Variants in ITGA2 observed in about 807,000 individuals in gnomAD.
ITGA2 encodes integrin alpha-2.
ITGA2 carries 101 observed loss-of-function variants against 146.3 expected under a neutral mutation model. The ratio of observed to expected loss-of-function variants is 0.69; its 90% confidence interval spans 0.59 to 0.81. The LOEUF is 0.81. Among genes scored for constraint, ITGA2 ranks in the 40% least tolerant of loss-of-function variants. The pLI is 0.00. For synonymous variants in ITGA2, 477 were observed against 487.1 expected, an observed-to-expected ratio of 0.98 and a Z score of 0.27; for missense variants, 1,281 against 1,402.7, an observed-to-expected ratio of 0.91 and a Z score of 1.39.
intron 4 of ITGA2, among the ~76,000 whole-genome samples, chr5:53,047,939 C>T (rs548802101): frequency 1.3e-5 from 2 of 152,304 alleles, no homozygotes; most frequent in African/African-American, 4.8e-5. Context: ...TTAATCTTTA[C>T]AACAATCTTA....
At chr5:53,039,988 AT>A (rs1347222443) in intron 2 of ITGA2, among the ~76,000 whole-genome samples, 4 of 151,652 alleles carry the variant, frequency 2.6e-5, no homozygotes, top group Non-Finnish European at 5.9e-5. Context: ...GGGCAATATG[AT>A]TTTTTTTAAT....
intron 27 of ITGA2, among the ~76,000 whole-genome samples, chr5:53,085,833 G>A (rs1477884628): frequency 2.0e-5 from 3 of 152,158 alleles, no homozygotes; most frequent in East Asian, 1.9e-4. Flanking sequence ...GCTGCATTCC[G>A]CTTCACAGTA....
chr5:53,048,786 A>G lies in ITGA2; in HGVS notation c.630+16A>G. On this transcript the variant is annotated intron_variant, in intron 6 of 29. Coordinates refer to ENST00000296585, the MANE Select transcript of ITGA2 (RefSeq NM_002203.4). Reference sequence around the variant, plus strand: ...AAAGACACAGGTATGGCTAACAGAAATGCATAACTAACTTATGGCTTTCTT... The same window carrying G: ...AAAGACACAGGTATGGCTAACAGAAGTGCATAACTAACTTATGGCTTTCTT... 1 of 1,613,140 alleles carries G rather than the reference A, an allele frequency of 6.2e-7. No individual in the cohort carries two copies. Among genetic ancestry groups the G allele is most frequent in the Non-Finnish European group, 8.5e-7 (1 of 1,179,208 alleles).
chr5:53,007,140 A>T (rs1741897570), intron 1 of ITGA2, among the ~76,000 whole-genome samples: 1 of 152,178 alleles, frequency 6.6e-6, no homozygotes, highest in African/African-American at 2.4e-5. Flanking sequence ...AATTGCTGTC[A>T]TGTGAAGAGG....
intron 8 of ITGA2, 97 bp downstream of exon 8, chr5:53,055,785 T>C: frequency 2.8e-6 from 4 of 1,428,934 alleles, no homozygotes; most frequent in Non-Finnish European, 3.9e-6. Flanking sequence ...TGGCTGTTCA[T>C]AGTTGAATAT....
chr5:53,021,814 G>A (rs1742695495), intron 1 of ITGA2, among the ~76,000 whole-genome samples: 1 of 152,138 alleles, frequency 6.6e-6, no homozygotes, highest in South Asian at 2.1e-4. Context: ...GGGCCAAATT[G>A]CAATCTGAGA....
At chr5:53,065,169 G>T in intron 14 of ITGA2, 54 bp downstream of exon 14, 1 of 1,529,274 alleles carries the variant, frequency 6.5e-7, no homozygotes, top group Non-Finnish European at 9.1e-7. Flanking sequence ...TATCATATTA[G>T]ACATAGAAAG....
intron 2 of ITGA2, among the ~76,000 whole-genome samples, chr5:53,039,074 CA>C (rs1743648973): frequency 2.0e-5 from 3 of 152,236 alleles, no homozygotes; most frequent in African/African-American, 7.2e-5. Context: ...GCCTGAGTGA[CA>C]AAAGACGAGA....
chr5:53,012,064 T>C (rs1459080889), intron 1 of ITGA2, among the ~76,000 whole-genome samples: 1 of 152,186 alleles, frequency 6.6e-6, no homozygotes, highest in East Asian at 1.9e-4. Context: ...AAAATATCAT[T>C]ATAGTCTTAG....
intron 6 of ITGA2, among the ~76,000 whole-genome samples, chr5:53,049,377 T>A (rs1248609918): frequency 6.6e-6 from 1 of 152,188 alleles, no homozygotes; most frequent in East Asian, 1.9e-4. Context: ...AGTTACATTT[T>A]AAAATTCAAT....
chr5:53,056,298 A>T (rs947702593), intron 9 of ITGA2, 149 bp downstream of exon 9: 1 of 646,180 alleles, frequency 1.5e-6, no homozygotes, highest in African/African-American at 1.8e-5. Flanking sequence ...AAAAACATGA[A>T]TAAATAGTTT....
chr5:53,066,068 C>T lies in ITGA2; in HGVS notation c.1943+91C>T, dbSNP rs1245817790. 5 of 1,179,568 alleles carry T rather than the reference C, an allele frequency of 4.2e-6. No homozygotes were observed. In the African/African-American group the frequency reaches 6.0e-5, roughly 14 times the overall value. The allele number at this position is 1,179,568 out of a possible 1,614,324, so 73.1% of individuals were successfully genotyped here. On this transcript the variant is annotated intron_variant, in intron 15 of 29. Transcript: ENST00000296585. ...CTGTACTGGTATTATAGAAATGCCA[C>T]ATGCATTCTATAAGACTATAGGGAA...
intron 2 of ITGA2, among the ~76,000 whole-genome samples, chr5:53,041,403 T>C (rs764563842): frequency 6.6e-6 from 1 of 152,236 alleles, no homozygotes; most frequent in Non-Finnish European, 1.5e-5. Context: ...GTATTTGTTC[T>C]GTATTTTTGC....
chr5:53,009,262 GTC>G (rs879657580), intron 1 of ITGA2, among the ~76,000 whole-genome samples: 2 of 152,052 alleles, frequency 1.3e-5, no homozygotes, highest in Non-Finnish European at 2.9e-5. Context: ...CCCCAAATAT[GTC>G]TCTATTCTAA....
intron 1 of ITGA2, among the ~76,000 whole-genome samples, chr5:53,004,146 A>C (rs560045864): frequency 1.3e-5 from 2 of 152,306 alleles, no homozygotes; most frequent in East Asian, 3.9e-4. Context: ...AACCAAAAAT[A>C]TGCCCAGACA....
Position 53,091,036 on chromosome 5 carries a change from C to T in ITGA2, c.*437C>T, listed in dbSNP as rs1740393614. The T allele has an allele frequency of 2.8e-6, 1 of 358,278 alleles. No homozygotes were observed. The highest frequency in any genetic ancestry group is 5.0e-6 in the Non-Finnish European group (1 of 199,226). The allele number at this position is 358,278 out of a possible 1,614,324, so 22.2% of individuals were successfully genotyped here. A position where few individuals can be genotyped will look rare whatever the true frequency, so the allele number is the denominator to read the frequency against. On this transcript the variant is annotated 3_prime_UTR_variant, in exon 30 of 30. Coordinates refer to ENST00000296585, the MANE Select transcript of ITGA2 (RefSeq NM_002203.4). ...AGTGGAAGTGCTTGATATGTAAGTA[C>T]TTCCACTTGTGTATATTTTAATGAA...
At position 53,072,684 on chromosome 5, in the gene ITGA2, A is replaced by C. The variant is rs199867897; in HGVS notation, c.2418A>C (p.Ile806=). 77 of 1,608,350 alleles carry C rather than the reference A, an allele frequency of 4.8e-5. No individual in the cohort carries two copies. The highest frequency in any genetic ancestry group is 6.0e-5 in the Non-Finnish European group (71 of 1,176,616). Reference sequence around the variant, plus strand: ...ATCTAGTCCTAGATGTCCGACAAATACCAGCTGCTCAGTAAGTTTTACTTT... The same window carrying C: ...ATCTAGTCCTAGATGTCCGACAAATCCCAGCTGCTCAGTAAGTTTTACTTT... The part of the protein sequence containing the change: ...ISDLVLDVRQ[I]PAAQEQPFIV... The change falls in exon 19 of 30, where the codon ATA becomes ATC. Residue 806 remains isoleucine (I), a synonymous_variant. Transcript: ENST00000296585.
At chr5:53,077,792 AG>A (rs1417738393) in intron 23 of ITGA2, among the ~76,000 whole-genome samples, 2 of 152,124 alleles carry the variant, frequency 1.3e-5, no homozygotes, top group African/African-American at 2.4e-5. Flanking sequence ...GGGAAAGACA[AG>A]GTTTTAGTAA....
At position 53,089,933 on chromosome 5, in the gene ITGA2, C is replaced by T; in HGVS notation, c.3349-13C>T. 2.0e-6 allele frequency: 3 copies of T among 1,499,244 alleles called. No individual in the cohort carries two copies. Among genetic ancestry groups the T allele is most frequent in the Non-Finnish European group, 2.8e-6 (3 of 1,075,436 alleles). The allele number at this position is 1,499,244 out of a possible 1,614,324, so 92.9% of individuals were successfully genotyped here. On this transcript the variant is annotated splice_polypyrimidine_tract_variant and intron_variant, in intron 28 of 29. Coordinates refer to ENST00000296585, the MANE Select transcript of ITGA2 (RefSeq NM_002203.4). ...GGTATTAAAATAACTCAACTGTGAA[C>T]TGACATTTCCAGATTCCCCTGATGA...
Sources: gnomAD v4.1 joint callset for allele counts (sites outside exome capture counted in the v4.1 genomes callset) on GRCh38, gnomAD v4.1.1 for gene constraint, MANE v1.5 for transcripts, NCBI Gene and HGNC (gene_info 2026-07-23, HGNC 2026-07-21) for gene names.